The following ESRRG variants were observed in gnomAD, a reference collection of about 807,000 sequenced individuals.
ESRRG encodes estrogen related receptor gamma.
A neutral mutation model predicts 44.0 loss-of-function variants in ESRRG; 13 were observed. The observed-to-expected ratio is 0.30, with a 90% CI of 0.19 to 0.47. The LOEUF (loss-of-function observed/expected upper bound fraction) is 0.47, where lower values mean the gene tolerates loss of function less well. Among genes scored for constraint, ESRRG ranks in the 20% least tolerant of loss-of-function variants. ESRRG has a pLI of 1.00. For synonymous variants in ESRRG, 215 were observed against 214.6 expected, an observed-to-expected ratio of 1.00 and a Z score of -0.02; for missense variants, 395 against 580.6, an observed-to-expected ratio of 0.68 and a Z score of 3.29.
At chr1:216,713,507 A>T (rs2084102946) in intron 1 of ESRRG, among the ~76,000 whole-genome samples, 1 of 152,200 alleles carries the variant, frequency 6.6e-6, no homozygotes, top group African/African-American at 2.4e-5. Flanking sequence ...CATCTGCTGA[A>T]AAAAGAGGGA....
intron 2 of ESRRG, among the ~76,000 whole-genome samples, chr1:216,922,850 T>G (rs111265003): frequency 0.01 from 1,523 of 152,282 alleles, 26 homozygotes; most frequent in African/African-American, 0.035. Context: ...GCAAGAGCCA[T>G]ACTGTTGTGC....
intron 2 of ESRRG, among the ~76,000 whole-genome samples, chr1:216,746,936 T>A (rs899019636): frequency 6.6e-6 from 1 of 152,176 alleles, no homozygotes; most frequent in African/African-American, 2.4e-5. Context: ...TTAATTTTTT[T>A]CCTTCAATAT....
At chr1:217,006,570 G>A (rs982499363) in intron 1 of ESRRG, among the ~76,000 whole-genome samples, 8 of 152,162 alleles carry the variant, frequency 5.3e-5, no homozygotes, top group South Asian at 4.1e-4. Context: ...AAGTGTTTTC[G>A]ATTTTGGATG....
chr1:217,014,759 A>G (rs1280507033), intron 1 of ESRRG, among the ~76,000 whole-genome samples: 1 of 152,218 alleles, frequency 6.6e-6, no homozygotes, highest in Non-Finnish European at 1.5e-5. Context: ...AGAGGAGCAT[A>G]TAAGTTATCT....
intron 3 of ESRRG, among the ~76,000 whole-genome samples, chr1:216,609,199 T>C (rs2060305431): frequency 1.3e-5 from 2 of 152,248 alleles, no homozygotes; most frequent in African/African-American, 4.8e-5. Context: ...CCCACTTACA[T>C]TTATTCTACA....
At chr1:216,836,373 C>T (rs892881460) in intron 2 of ESRRG, among the ~76,000 whole-genome samples, 1 of 152,250 alleles carries the variant, frequency 6.6e-6, no homozygotes, top group South Asian at 2.1e-4. Flanking sequence ...TAAGAGAAAA[C>T]AAGAAAATTA....
intron 2 of ESRRG, among the ~76,000 whole-genome samples, chr1:216,912,242 AGAGGAGAGGAGAGGAGAGGAGAGGG>A (rs1342746975): frequency 0.036 from 1,333 of 37,310 alleles, 115 homozygotes; most frequent in African/African-American, 0.062. Flanking sequence ...AGAGGAGAGG[AGAGGAGAGGAGAGGAGAGGAGAGGG>A]GAGGGGAGGA....
intron 2 of ESRRG, among the ~76,000 whole-genome samples, chr1:216,741,758 T>A (rs114212369): frequency 0.015 from 2,229 of 152,248 alleles, 51 homozygotes; most frequent in African/African-American, 0.047. Flanking sequence ...TTCTTACTAT[T>A]ATGAAACAGA....
At chr1:216,614,805 C>T (rs1255531844) in intron 3 of ESRRG, among the ~76,000 whole-genome samples, 1 of 152,162 alleles carries the variant, frequency 6.6e-6, no homozygotes, top group Non-Finnish European at 1.5e-5. Context: ...TTAGCTGGTG[C>T]ATTTAATAAG....
At chr1:216,770,561 A>G (rs905860505) in intron 2 of ESRRG, among the ~76,000 whole-genome samples, 1 of 152,034 alleles carries the variant, frequency 6.6e-6, no homozygotes, top group African/African-American at 2.4e-5. Context: ...CTGCATATAT[A>G]TATTTCTCAG....
chr1:216,970,059 T>G (rs541253980), intron 1 of ESRRG, among the ~76,000 whole-genome samples: 4 of 152,208 alleles, frequency 2.6e-5, no homozygotes, highest in African/African-American at 9.6e-5. Context: ...ATTTCTCCCT[T>G]CCTCCCATCC....
intron 2 of ESRRG, among the ~76,000 whole-genome samples, chr1:216,860,219 G>A (rs1365031273): frequency 2.0e-5 from 3 of 152,142 alleles, no homozygotes; most frequent in African/African-American, 7.2e-5. Context: ...AGGCAAGATC[G>A]TGCCACTGTG....
Position 216,587,275 on chromosome 1 carries a change from C to T in ESRRG, c.590-19177G>A, listed in dbSNP as rs538426775. 4.0e-4 allele frequency among the ~76,000 whole-genome samples: 61 copies of T among 152,216 alleles called. No individual in the cohort carries two copies. The South Asian group carries it at 0.012, about 29-fold the overall frequency. On this transcript the variant is annotated intron_variant, in intron 3 of 6. Coordinates refer to ENST00000408911, the MANE Select transcript of ESRRG (RefSeq NM_001438.4). ...TCTAGTGCATTTAGTAATGGTTAGA[C>T]AATCTATACCTTGATTACAGTATGT...
chr1:217,043,440 C>T (rs2084250096), intron 1 of ESRRG, among the ~76,000 whole-genome samples: 1 of 152,152 alleles, frequency 6.6e-6, no homozygotes, highest in Admixed American at 6.5e-5. Flanking sequence ...GAATAGTGCA[C>T]AACTTATCTC....
intron 2 of ESRRG, among the ~76,000 whole-genome samples, chr1:216,939,364 A>AAAAAAAAAAAAAAAAAAAAAAAAAAC (rs1553720877): frequency 2.2e-5 from 3 of 133,730 alleles, no homozygotes; most frequent in South Asian, 2.2e-4. Flanking sequence ...AAAAAAAAAA[A>AAAAAAAAAAAAAAAAAAAAAAAAAAC]AAAAAACACT....
At chr1:216,775,308 C>T (rs1559585449) in intron 2 of ESRRG, among the ~76,000 whole-genome samples, 1 of 151,984 alleles carries the variant, frequency 6.6e-6, no homozygotes, top group African/African-American at 2.4e-5. Flanking sequence ...GGAATTCACT[C>T]ATTTCGTCAC....
intron 5 of ESRRG, among the ~76,000 whole-genome samples, chr1:216,561,521 G>A (rs887722814): frequency 6.6e-5 from 10 of 151,940 alleles, no homozygotes; most frequent in Admixed American, 6.6e-4. Flanking sequence ...CACTTTTATC[G>A]AGGCAGAAAT....
chr1:216,696,719 G>A (rs1299840251), intron 1 of ESRRG, among the ~76,000 whole-genome samples: 1 of 151,970 alleles, frequency 6.6e-6, no homozygotes, highest in African/African-American at 2.4e-5. Context: ...GAAAACTGGA[G>A]CTAGATATTA....
chr1:216,699,807 T>A (rs1474607993), intron 1 of ESRRG, among the ~76,000 whole-genome samples: 1 of 152,160 alleles, frequency 6.6e-6, no homozygotes, highest in Admixed American at 6.5e-5. Context: ...GAGGCTGGCA[T>A]AATATTTGTC....
Sources: allele counts gnomAD v4.1 joint callset (sites outside exome capture counted in the v4.1 genomes callset), GRCh38; gene constraint gnomAD v4.1.1; transcripts MANE v1.5; gene names NCBI Gene and HGNC (gene_info 2026-07-23, HGNC 2026-07-21).